TRMT44: variants seen among roughly 807,000 people sequenced by gnomAD.
The protein encoded by TRMT44 is probable tRNA (uracil-O(2)-)-methyltransferase.
A neutral mutation model predicts 77.3 loss-of-function variants in TRMT44; 78 were observed. That is an observed-to-expected ratio of 1.01 (90% CI 0.84 to 1.22). The LOEUF is 1.22. TRMT44 is among the 50% of genes most tolerant of loss of function. TRMT44 has a pLI of 0.00. For synonymous variants in TRMT44, 391 were observed against 383.3 expected (o/e 1.02, Z -0.23); for missense variants, 1,090 against 964.4 (o/e 1.13, Z -1.73).
At chr4:8,500,822 T>A in the TRMT44 span, among the ~76,000 whole-genome samples, 5 of 152,270 alleles carry the variant, frequency 3.3e-5, no homozygotes, top group South Asian at 1.0e-3. Flanking sequence ...CATGCCCAGC[T>A]AAATTATTTT....
chr4:8,504,797 C>A, the TRMT44 span, among the ~76,000 whole-genome samples: 1 of 152,186 alleles, frequency 6.6e-6, no homozygotes, highest in South Asian at 2.1e-4. This position sits in a 1 kb window ranked among gnomAD's most constrained non-coding sequence, Gnocchi z 5.3. Flanking sequence ...GGTGGCAGCC[C>A]TGCCCTGCCA....
chr4:8,471,539 G>A (rs1726999856), intron 10 of TRMT44, among the ~76,000 whole-genome samples: 1 of 152,252 alleles, frequency 6.6e-6, no homozygotes, highest in South Asian at 2.1e-4. Context: ...TGTTGGCTGG[G>A]GGTCATTGTT....
intron 2 of TRMT44, among the ~76,000 whole-genome samples, chr4:8,447,064 C>T (rs1337203388): frequency 2.6e-5 from 4 of 152,076 alleles, no homozygotes; most frequent in African/African-American, 7.2e-5. Flanking sequence ...TCAGTAGAGA[C>T]GGGGTTTCGC....
At chr4:8,460,199 T>G (rs1726060171) in intron 6 of TRMT44, among the ~76,000 whole-genome samples, 1 of 152,192 alleles carries the variant, frequency 6.6e-6, no homozygotes, top group Non-Finnish European at 1.5e-5. Flanking sequence ...GGTTATAGTA[T>G]AGTGGCTCTG....
downstream of TRMT44, among the ~76,000 whole-genome samples, chr4:8,494,809 T>C (rs143385927): frequency 3.2e-3 from 485 of 152,248 alleles, 3 homozygotes; most frequent in African/African-American, 0.011. Context: ...TTTTTTTTTT[T>C]CTTCCAGTCT....
At chr4:8,464,413 C>G (rs1249399204) in intron 7 of TRMT44, among the ~76,000 whole-genome samples, 4 of 152,144 alleles carry the variant, frequency 2.6e-5, no homozygotes, top group Non-Finnish European at 2.9e-5. Context: ...AAAGAGGTGT[C>G]CTTTTTGGAA....
intron 6 of TRMT44, among the ~76,000 whole-genome samples, chr4:8,462,809 C>T (rs76323685): frequency 0.038 from 5,738 of 152,238 alleles, 176 homozygotes; most frequent in Non-Finnish European, 0.058. Flanking sequence ...TGATTATGGT[C>T]TTTACTAAAT....
At chr4:8,449,929 A>ATTTTT (rs778179208) in intron 3 of TRMT44, 41 bp downstream of exon 3, 53 of 243,650 alleles carry the variant, frequency 2.2e-4, no homozygotes, top group South Asian at 1.2e-3. Flanking sequence ...CCCCTTCATG[A>ATTTTT]TTTTCTTTTC....
downstream of TRMT44, chr4:8,479,625 G>C (rs779523571): frequency 6.6e-6 from 1 of 152,210 alleles, no homozygotes; most frequent in Non-Finnish European, 1.5e-5. Flanking sequence ...ACATGCTTCA[G>C]CTGATTGGGG....
chr4:8,514,649 C>G, the TRMT44 span, among the ~76,000 whole-genome samples: 1 of 152,078 alleles, frequency 6.6e-6, no homozygotes, highest in Non-Finnish European at 1.5e-5. Context: ...TGCCCTCATC[C>G]TTTGAGGCAG....
At chr4:8,487,540 G>A (rs1727851040) in intron 2 of TRMT44, among the ~76,000 whole-genome samples, 1 of 151,856 alleles carries the variant, frequency 6.6e-6, no homozygotes, top group South Asian at 2.1e-4. Flanking sequence ...GAGGTAAGAG[G>A]TCGGGCCATG....
downstream of TRMT44, among the ~76,000 whole-genome samples, chr4:8,497,924 G>T (rs1391864763): frequency 1.3e-5 from 2 of 152,138 alleles, no homozygotes; most frequent in Non-Finnish European, 2.9e-5. Context: ...GGCTGGCGTG[G>T]GGGGGGCTGG....
chr4:8,452,506 G>A lies in TRMT44; in HGVS notation c.1024-376G>A, dbSNP rs1725517859. On this transcript the variant is annotated intron_variant, in intron 4 of 10. Transcript: ENST00000389737. The surrounding 1 kb of genome is among the most constrained non-coding windows in gnomAD (Gnocchi z 5.7). Reference sequence around the variant, plus strand: ...TCCCAGCACTTCGGGAGGCCGAGGCGGGCAGATCACTTGAGGTCAGGAGTT... The same window carrying A: ...TCCCAGCACTTCGGGAGGCCGAGGCAGGCAGATCACTTGAGGTCAGGAGTT... 3.3e-5 allele frequency among the ~76,000 whole-genome samples: 5 copies of A among 152,202 alleles called. No homozygotes were observed. Among genetic ancestry groups the A allele is most frequent in the East Asian group, 1.9e-4 (1 of 5,194 alleles).
Position 8,454,756 on chromosome 4 carries a change from G to T in TRMT44, c.1146G>T (p.Gly382=), listed in dbSNP as rs1394090677. The change falls in exon 6 of 11, where the codon GGG becomes GGT. Residue 382 remains glycine (G), a synonymous_variant. Transcript: ENST00000389737. ...ILSSEGHPGR[G]IDVRRRKIWD... ...AATTTTTTCAGCATCCAGGCAGAGGGATTGATGTCCGAAGAAGAAAAATCT... is the reference window on the plus strand; with the variant it reads ...AATTTTTTCAGCATCCAGGCAGAGGTATTGATGTCCGAAGAAGAAAAATCT... 6.2e-7 allele frequency: 1 copy of T among 1,614,066 alleles called. No individual in the cohort carries two copies. The highest frequency in any genetic ancestry group is 8.5e-7 in the Non-Finnish European group (1 of 1,180,040).
the TRMT44 span, among the ~76,000 whole-genome samples, chr4:8,502,137 G>A: frequency 6.6e-6 from 1 of 152,232 alleles, no homozygotes; most frequent in Non-Finnish European, 1.5e-5. Context: ...CCATAAAACG[G>A]GGGCTCCTGT....
Position 8,468,513 on chromosome 4 carries a change from T to G in TRMT44, c.1927+167T>G, listed in dbSNP as rs16842337. ...TCTCTTCAAGCAAATTCTTTAAAAT[T>G]TTCCAAATAGCTCTTATAAACATAA... is the stretch of plus-strand genomic sequence containing the variant. On this transcript the variant is annotated intron_variant, in intron 9 of 10. Coordinates refer to ENST00000389737, the MANE Select transcript of TRMT44 (RefSeq NM_152544.3). The G allele has an allele frequency of 4.2e-3, 2,816 of 666,920 alleles. 70 individuals are homozygous for G. In the African/African-American group the frequency reaches 0.045, roughly 11 times the overall value. 41.3% of individuals were successfully genotyped at this position (666,920 alleles called of 1,614,324 possible).
At position 8,444,428 on chromosome 4, in the gene TRMT44, C is replaced by T. The variant is rs370339056; in HGVS notation, c.620-2048C>T. 1.8e-4 allele frequency among the ~76,000 whole-genome samples: 27 copies of T among 149,426 alleles called. No individual in the cohort carries two copies. The East Asian group carries it at 2.9e-3, about 16-fold the overall frequency. Reference sequence around the variant, plus strand: ...TTTTTTTTTTTTTTGAGAGTAGTCTCGCTCTGTGGCCCAGGCTAGAGTGCA... The same window carrying T: ...TTTTTTTTTTTTTTGAGAGTAGTCTTGCTCTGTGGCCCAGGCTAGAGTGCA... On this transcript the variant is annotated intron_variant, in intron 1 of 10. Coordinates refer to ENST00000389737, the MANE Select transcript of TRMT44 (RefSeq NM_152544.3). The surrounding 1 kb of genome is among the most constrained non-coding windows in gnomAD (Gnocchi z 4.0).
At chr4:8,448,332 C>T (rs900212834) in intron 2 of TRMT44, among the ~76,000 whole-genome samples, 1 of 152,156 alleles carries the variant, frequency 6.6e-6, no homozygotes, top group Non-Finnish European at 1.5e-5. Context: ...GGAAGTGAGT[C>T]TCCTGGGGCA....
chr4:8,500,108 T>G, the TRMT44 span, among the ~76,000 whole-genome samples: 3 of 152,110 alleles, frequency 2.0e-5, no homozygotes, highest in Non-Finnish European at 4.4e-5. Context: ...CATGTGCCTG[T>G]AGTCCTAGCT....
Sources: allele counts gnomAD v4.1 joint callset (sites outside exome capture counted in the v4.1 genomes callset), GRCh38; gene constraint gnomAD v4.1.1; non-coding constraint Gnocchi (gnomAD v3.1); transcripts MANE v1.5; gene names NCBI Gene and HGNC (gene_info 2026-07-23, HGNC 2026-07-21).